CARD8: variants seen among roughly 807,000 people sequenced by gnomAD.
The protein encoded by CARD8 is caspase recruitment domain family member 8, also known as caspase recruitment domain-containing protein 8.
A neutral mutation model predicts 53.2 loss-of-function variants in CARD8; 38 were observed. That is an observed-to-expected ratio of 0.71 (90% confidence interval 0.55 to 0.94). The LOEUF is 0.94. Among genes scored for constraint, CARD8 ranks in the 40% least tolerant of loss-of-function variants. The pLI is 0.00. For missense variants in CARD8, 561 were observed against 655.5 expected (o/e 0.86, Z 1.57); for synonymous variants, 245 against 244.9 (o/e 1.00, Z 0.00).
rs992207668 is a variant in CARD8 at position 48,247,709 on chromosome 19, G to A, written c.-44+1814C>T. Among the ~76,000 whole-genome samples, 7 of 149,352 alleles carry A rather than the reference G, an allele frequency of 4.7e-5. 1 individual carries two copies. Among genetic ancestry groups the A allele is most frequent in the Admixed American group, 2.7e-4 (4 of 14,896 alleles). On this transcript the variant is annotated intron_variant, in intron 3 of 13. Transcript: ENST00000651546. The stretch of plus-strand genomic sequence containing the variant: ...AAACCTCCACCTAAAATTTTCACAC[G>A]CAAAATTTTATATATATATACTATA...
rs531199248 is a variant in CARD8, at chr19:48,214,769, C to CTTTTTT, written c.1348+565_1348+570dup. 8.7e-4 allele frequency among the ~76,000 whole-genome samples: 78 copies of CTTTTTT among 89,550 alleles called. 3 individuals are homozygous for CTTTTTT. Among genetic ancestry groups the CTTTTTT allele is most frequent in the East Asian group, 2.0e-3 (6 of 3,002 alleles). The allele number at this position is 89,550 out of a possible 152,430, so 58.7% of individuals were successfully genotyped here. ...CCTTCCTTTCATTCCTGCTATAAAG[C>CTTTTTT]TTTTTTTTTTTTTTTTTTTTTTTTT... On this transcript the variant is annotated intron_variant, in intron 13 of 13. Coordinates refer to ENST00000651546, the MANE Select transcript of CARD8 (RefSeq NM_001184900.3).
intron 13 of CARD8, among the ~76,000 whole-genome samples, chr19:48,212,779 CTTTGA>C (rs1254461512): frequency 6.6e-6 from 1 of 152,216 alleles, no homozygotes; most frequent in Non-Finnish European, 1.5e-5. Flanking sequence ...CAGAGATGTT[CTTTGA>C]TTTATTTTAG....
intron 1 of CARD8, among the ~76,000 whole-genome samples, chr19:48,251,659 T>C (rs2046955753): frequency 6.6e-6 from 1 of 152,220 alleles, no homozygotes; most frequent in Non-Finnish European, 1.5e-5. Context: ...TTTTATTCAT[T>C]CCACAAATAT....
intron 3 of CARD8, among the ~76,000 whole-genome samples, chr19:48,246,484 G>A (rs1195706133): frequency 6.6e-6 from 1 of 152,060 alleles, no homozygotes; most frequent in Admixed American, 6.6e-5. Flanking sequence ...GAAAGACCTG[G>A]GGAATCCATG....
chr19:48,211,605 A>C lies in CARD8; in HGVS notation c.*105T>G. On this transcript the variant is annotated 3_prime_UTR_variant, in exon 14 of 14. Coordinates refer to ENST00000651546, the MANE Select transcript of CARD8 (RefSeq NM_001184900.3). ...AAAGCCTGTGTGATAGATGTTACCC[A>C]GTCTTCTTCTGTCTTGAACACTGAA... 1 of 1,124,658 alleles carries C rather than the reference A, an allele frequency of 8.9e-7. No homozygotes were observed. The allele number at this position is 1,124,658 out of a possible 1,614,324, so 69.7% of individuals were successfully genotyped here.
downstream of CARD8, chr19:48,203,473 A>T (rs1053050141): frequency 6.6e-6 from 1 of 152,264 alleles, no homozygotes; most frequent in Non-Finnish European, 1.5e-5. Context: ...GAGGGGTCAT[A>T]ATAGTACCTG....
At chr19:48,246,618 TA>T (rs3078196) in intron 3 of CARD8, among the ~76,000 whole-genome samples, 96 of 150,592 alleles carry the variant, frequency 6.4e-4, no homozygotes, top group African/African-American at 2.1e-3. Flanking sequence ...AAATCAATAA[TA>T]AAAAAAAACA....
chr19:48,239,639 CTAA>C (rs2044599338), intron 4 of CARD8, among the ~76,000 whole-genome samples: 1 of 152,092 alleles, frequency 6.6e-6, no homozygotes, highest in African/African-American at 2.4e-5. Context: ...CCATGCCCAG[CTAA>C]TTTTTATATT....
At chr19:48,234,175 T>A (rs927696598) in intron 6 of CARD8, 2 of 479,050 alleles carry the variant, frequency 4.2e-6, no homozygotes, top group African/African-American at 2.0e-5. Flanking sequence ...TTCGATTGCA[T>A]TGCTCATTGC....
intron 5 of CARD8, among the ~76,000 whole-genome samples, chr19:48,235,274 T>C (rs1378538190): frequency 8.5e-5 from 13 of 152,278 alleles, no homozygotes; most frequent in South Asian, 2.1e-4. Context: ...GGAGTGTCCT[T>C]TATGCCAAGA....
intron 6 of CARD8, chr19:48,233,448 CGGA>C (rs1568825267): frequency 2.2e-6 from 1 of 455,586 alleles, no homozygotes. Flanking sequence ...GCGCTTTTCT[CGGA>C]AGGATTCTGT....
At position 48,231,911 on chromosome 19, in the gene CARD8, G is replaced by A. The variant is rs187897352; in HGVS notation, c.392-101C>T. The A allele has an allele frequency of 1.5e-4, 150 of 1,006,608 alleles. 1 individual carries two copies. Among genetic ancestry groups the A allele is most frequent in the Non-Finnish European group, 7.3e-5 (47 of 641,454 alleles). 62.4% of individuals were successfully genotyped at this position (1,006,608 alleles called of 1,614,324 possible). On this transcript the variant is annotated intron_variant, in intron 7 of 13. Coordinates refer to ENST00000651546, the MANE Select transcript of CARD8 (RefSeq NM_001184900.3). ...ATTGCACAGGTGCTGTTGGGATACA[G>A]ATATCGAATGAGAGCTGAGAGTGAC...
At chr19:48,204,419 T>C (rs1234600135), downstream of CARD8, among the ~76,000 whole-genome samples, 1 of 152,076 alleles carries the variant, frequency 6.6e-6, no homozygotes, top group Admixed American at 6.5e-5. Context: ...TGAATTCCTA[T>C]GTAATAAGGA....
intron 11 of CARD8, among the ~76,000 whole-genome samples, chr19:48,220,998 GAA>G (rs1346466991): frequency 5.5e-4 from 54 of 97,766 alleles, no homozygotes; most frequent in East Asian, 3.3e-3. Flanking sequence ...AGGAAGGAAA[GAA>G]AGAAAGAAAA....
intron 12 of CARD8, among the ~76,000 whole-genome samples, chr19:48,215,903 GT>G (rs1418050766): frequency 6.6e-6 from 1 of 152,096 alleles, no homozygotes; most frequent in Non-Finnish European, 1.5e-5. Context: ...ACTCCTTGAT[GT>G]TTTCAAAGTT....
In CARD8 at chr19:48,231,155, T is replaced by C. The variant is rs561506501; in HGVS notation, c.543-149A>G. 7 of 644,234 alleles carry C rather than the reference T, an allele frequency of 1.1e-5. No individual in the cohort carries two copies. In the East Asian group the frequency reaches 1.6e-4, roughly 15 times the overall value. The allele number at this position is 644,234 out of a possible 1,614,324, so 39.9% of individuals were successfully genotyped here. On this transcript the variant is annotated intron_variant, in intron 8 of 13. Coordinates refer to ENST00000651546, the MANE Select transcript of CARD8 (RefSeq NM_001184900.3). ...ACATTAGAAAACGCTGGGGAGTTCA[T>C]TAACCTCTCTGGGCCCCAATTTCTC...
chr19:48,238,868 C>T (rs936172919), intron 4 of CARD8, among the ~76,000 whole-genome samples: 6 of 152,178 alleles, frequency 3.9e-5, no homozygotes, highest in African/African-American at 7.2e-5. Flanking sequence ...GAATAAAATA[C>T]CATTCCTCCA....
chr19:48,232,919 G>A (rs753158162), intron 6 of CARD8: 16 of 391,114 alleles, frequency 4.1e-5, no homozygotes, highest in Admixed American at 6.2e-5. Context: ...TTATGCCCAC[G>A]TTCAATGTGG....
intron 10 of CARD8, among the ~76,000 whole-genome samples, chr19:48,226,822 A>T (rs2041879489): frequency 1.3e-5 from 2 of 152,094 alleles, no homozygotes; most frequent in African/African-American, 4.8e-5. Flanking sequence ...TGGATGTGGG[A>T]AAGAAAAGAA....
Sources: gnomAD v4.1 joint callset for allele counts (sites outside exome capture counted in the v4.1 genomes callset) on GRCh38, gnomAD v4.1.1 for gene constraint, MANE v1.5 for transcripts, NCBI Gene and HGNC (gene_info 2026-07-23, HGNC 2026-07-21) for gene names.